Variants in KCNH8 observed in about 807,000 individuals in gnomAD.
KCNH8 encodes the protein voltage-gated delayed rectifier potassium channel KCNH8.
KCNH8 carries 70 observed loss-of-function variants against 103.6 expected under a neutral mutation model. The observed-to-expected ratio is 0.68, with a 90% CI of 0.56 to 0.82. The LOEUF is 0.82. Ranked by LOEUF, KCNH8 falls within the 40% of genes least tolerant of loss-of-function variation. KCNH8 has a pLI of 0.00. For missense variants in KCNH8, 1,217 were observed against 1,329.9 expected (o/e 0.92, Z 1.32); for synonymous variants, 498 against 489.4 (o/e 1.02, Z -0.23).
At chr3:19,226,584 T>G (rs906611465) in intron 1 of KCNH8, among the ~76,000 whole-genome samples, 1 of 148,038 alleles carries the variant, frequency 6.8e-6, no homozygotes, top group Non-Finnish European at 1.5e-5. Context: ...CTTTCAGTCT[T>G]TCTCTCTCTC....
intron 2 of KCNH8, among the ~76,000 whole-genome samples, chr3:19,258,880 A>C (rs2064380512): frequency 6.9e-6 from 1 of 145,228 alleles, no homozygotes; most frequent in East Asian, 2.0e-4. Flanking sequence ...ATTACAGAGT[A>C]AATAACTTCA....
chr3:19,520,710 A>T (rs2068956923), intron 15 of KCNH8, among the ~76,000 whole-genome samples: 1 of 151,936 alleles, frequency 6.6e-6, no homozygotes. Context: ...TGTGGGATGC[A>T]CTGCATGAAA....
chr3:19,486,653 C>T (rs2068217127), intron 11 of KCNH8, among the ~76,000 whole-genome samples: 1 of 152,128 alleles, frequency 6.6e-6, no homozygotes, highest in African/African-American at 2.4e-5. Context: ...CACAGGCCAA[C>T]GTAAGTTTTT....
intron 1 of KCNH8, among the ~76,000 whole-genome samples, chr3:19,234,515 G>A (rs989070203): frequency 6.6e-6 from 1 of 152,318 alleles, no homozygotes; most frequent in Middle Eastern, 3.4e-3. Context: ...CAGGCGGGTG[G>A]GGCTGGCCGG....
chr3:19,277,701 C>T (rs1354116862), intron 2 of KCNH8, among the ~76,000 whole-genome samples: 1 of 152,086 alleles, frequency 6.6e-6, no homozygotes, highest in Non-Finnish European at 1.5e-5. Flanking sequence ...AGGGACATTC[C>T]ACCAGATTTA....
At chr3:19,170,814 T>C (rs867506429) in intron 1 of KCNH8, among the ~76,000 whole-genome samples, 2 of 139,854 alleles carry the variant, frequency 1.4e-5, no homozygotes, top group African/African-American at 5.5e-5. Context: ...ATATATATTT[T>C]TTTTTTTTTT....
intron 1 of KCNH8, among the ~76,000 whole-genome samples, chr3:19,191,855 A>G (rs2063556248): frequency 6.6e-6 from 1 of 151,650 alleles, no homozygotes; most frequent in Non-Finnish European, 1.5e-5. Flanking sequence ...TAACCTATTT[A>G]TGTGGTTGTA....
rs550707190 is a variant in KCNH8, at chr3:19,498,695, C to A, written c.2041-11668C>A. On this transcript the variant is annotated intron_variant, in intron 11 of 15. Transcript: ENST00000328405. ...TTCCAGTTTTTCTGCTCTGTTTTTT[C>A]CCCATCTTTGTGGTTTTATCTACTT... Among the ~76,000 whole-genome samples, 9 of 152,220 alleles carry A rather than the reference C, an allele frequency of 5.9e-5. No individual in the cohort carries two copies. In the South Asian group the frequency reaches 1.9e-3, roughly 32 times the overall value.
At chr3:19,332,472 T>G (rs2125311033) in intron 3 of KCNH8, among the ~76,000 whole-genome samples, 1 of 152,296 alleles carries the variant, frequency 6.6e-6, no homozygotes, top group Middle Eastern at 3.4e-3. Flanking sequence ...ATAGACCAGT[T>G]TACTTAACAA....
chr3:19,483,410 T>C (rs2068131523), intron 11 of KCNH8, among the ~76,000 whole-genome samples: 1 of 152,160 alleles, frequency 6.6e-6, no homozygotes. Context: ...GATTTTTTTT[T>C]TCTAGCTATG....
chr3:19,319,341 A>G (rs1236837758), intron 3 of KCNH8, among the ~76,000 whole-genome samples: 2 of 151,984 alleles, frequency 1.3e-5, no homozygotes, highest in East Asian at 1.9e-4. Flanking sequence ...CGATTTTTGT[A>G]TAAGGTAACA....
intron 11 of KCNH8, among the ~76,000 whole-genome samples, chr3:19,475,071 G>T (rs767814488): frequency 7.2e-5 from 11 of 152,116 alleles, no homozygotes; most frequent in Non-Finnish European, 1.3e-4. Flanking sequence ...AACCCCCAAA[G>T]AAACAACTAA....
At chr3:19,149,024 A>C (rs181245690) in intron 1 of KCNH8, among the ~76,000 whole-genome samples, 1 of 152,194 alleles carries the variant, frequency 6.6e-6, no homozygotes, top group East Asian at 1.9e-4. Flanking sequence ...TTTGTTAAGG[A>C]CTGAAACGCA....
intron 1 of KCNH8, among the ~76,000 whole-genome samples, chr3:19,208,548 C>G (rs1321427877): frequency 6.6e-6 from 1 of 151,898 alleles, no homozygotes; most frequent in Non-Finnish European, 1.5e-5. Flanking sequence ...TAATCAAATA[C>G]TATTAATACA....
At position 19,498,257 on chromosome 3, in the gene KCNH8, T is replaced by A. The variant is rs551036300; in HGVS notation, c.2041-12106T>A. On this transcript the variant is annotated intron_variant, in intron 11 of 15. Transcript: ENST00000328405. ...TTTACATTCCAAGTTAACATTTATA[T>A]GTGTGGATTTGATCCTTTTATGTTG... Among the ~76,000 whole-genome samples, 7 of 152,368 alleles carry A rather than the reference T, an allele frequency of 4.6e-5. No individual in the cohort carries two copies. The South Asian group carries it at 1.4e-3, about 32-fold the overall frequency.
intron 7 of KCNH8, among the ~76,000 whole-genome samples, chr3:19,406,436 G>C (rs2066692573): frequency 6.6e-6 from 1 of 152,030 alleles, no homozygotes; most frequent in African/African-American, 2.4e-5. Context: ...CCACTCTCCA[G>C]GTTGGATATA....
intron 3 of KCNH8, among the ~76,000 whole-genome samples, chr3:19,326,358 T>TATATATATATA (rs1402990262): frequency 7.1e-4 from 38 of 53,304 alleles, no homozygotes; most frequent in African/African-American, 3.9e-3. Context: ...GAAAGTTAAA[T>TATATATATATA]ATATATATAT....
In KCNH8 at chr3:19,469,245, C is replaced by G. The variant is rs529507914; in HGVS notation, c.2040+12263C>G. 1.7e-4 allele frequency among the ~76,000 whole-genome samples: 26 copies of G among 152,282 alleles called. 1 individual carries two copies. The highest frequency in any genetic ancestry group is 9.8e-4 in the Admixed American group (15 of 15,298). On this transcript the variant is annotated intron_variant, in intron 11 of 15. Transcript: ENST00000328405. Reference sequence around the variant, plus strand: ...GCTTTCCTTGTTATCTCAGGCCCAACAAGTGTTTTGTCAGTTGTGTACTTT... The same window carrying G: ...GCTTTCCTTGTTATCTCAGGCCCAAGAAGTGTTTTGTCAGTTGTGTACTTT...
chr3:19,515,498 AT>A (rs56353870), intron 14 of KCNH8, 70 bp downstream of exon 14: 310,296 of 449,958 alleles, frequency 0.69, 86,510 homozygotes, highest in African/African-American at 0.86. Context: ...TGTTATGGGC[AT>A]TTTTTTTTTT....
Sources: allele counts gnomAD v4.1 joint callset (sites outside exome capture counted in the v4.1 genomes callset), GRCh38; gene constraint gnomAD v4.1.1; transcripts MANE v1.5; gene names NCBI Gene and HGNC (gene_info 2026-07-23, HGNC 2026-07-21).